Variants in TBC1D19 observed in about 807,000 individuals in gnomAD.
TBC1D19 encodes TBC1 domain family member 19, also known as TBC1 domain family, member 19.
TBC1D19 carries 60 observed loss-of-function variants against 89.0 expected under a neutral mutation model. The ratio of observed to expected loss-of-function variants is 0.67; its 90% confidence interval spans 0.55 to 0.84. The LOEUF (loss-of-function observed/expected upper bound fraction) is 0.84. Ranked by LOEUF, TBC1D19 falls within the 40% of genes least tolerant of loss-of-function variation. The pLI, the probability that TBC1D19 is intolerant of heterozygous loss-of-function variation, is 0.00. For missense variants in TBC1D19, 500 were observed against 610.8 expected, an observed-to-expected ratio of 0.82 and a Z score of 1.91; for synonymous variants, 189 against 199.7, an observed-to-expected ratio of 0.95 and a Z score of 0.45.
chr4:26,767,717 C>T, the TBC1D19 span, among the ~76,000 whole-genome samples: 1 of 152,188 alleles, frequency 6.6e-6, no homozygotes, highest in Admixed American at 6.6e-5. Flanking sequence ...TTAAGCCACC[C>T]TGCTGCTAAA....
chr4:26,740,285 C>G (rs1178894680), intron 17 of TBC1D19, among the ~76,000 whole-genome samples: 2 of 152,014 alleles, frequency 1.3e-5, no homozygotes, highest in Non-Finnish European at 2.9e-5. Context: ...CATTTCTTAT[C>G]TATGAAATGA....
At chr4:26,652,105 T>C (rs1452857123) in intron 7 of TBC1D19, among the ~76,000 whole-genome samples, 1 of 152,090 alleles carries the variant, frequency 6.6e-6, no homozygotes, top group East Asian at 1.9e-4. Context: ...TGCTGCTGGA[T>C]TCGGTTTGCC....
chr4:26,827,562 C>A, the TBC1D19 span, among the ~76,000 whole-genome samples: 1 of 152,316 alleles, frequency 6.6e-6, no homozygotes, highest in African/African-American at 2.4e-5. Flanking sequence ...CAAGATTGCA[C>A]TACTGCACTC....
At chr4:26,614,475 A>G (rs755993774) in intron 3 of TBC1D19, 22 bp downstream of exon 3, 11 of 1,568,140 alleles carry the variant, frequency 7.0e-6, no homozygotes, top group Non-Finnish European at 9.5e-6. Flanking sequence ...CACCTATTTT[A>G]CAATAGTATT....
the TBC1D19 span, chr4:26,858,744 CCCTGGCCTT>C: frequency 6.6e-6 from 1 of 152,146 alleles, no homozygotes. Flanking sequence ...TATTCCTGGC[CCCTGGCCTT>C]CCTGGCCTTG....
chr4:26,642,044 G>C (rs1440296966), intron 7 of TBC1D19, among the ~76,000 whole-genome samples: 1 of 152,106 alleles, frequency 6.6e-6, no homozygotes, highest in Non-Finnish European at 1.5e-5. Context: ...AACTAGCAAG[G>C]CAGGCCAACA....
the TBC1D19 span, among the ~76,000 whole-genome samples, chr4:26,830,504 A>G: frequency 6.6e-6 from 1 of 152,162 alleles, no homozygotes; most frequent in Non-Finnish European, 1.5e-5. Flanking sequence ...CAGAACTCTC[A>G]GAGTTACACA....
At chr4:26,843,089 G>C in the TBC1D19 span, among the ~76,000 whole-genome samples, 1 of 152,166 alleles carries the variant, frequency 6.6e-6, no homozygotes, top group Non-Finnish European at 1.5e-5. Flanking sequence ...CTGAGCACAG[G>C]CTTGTCATGG....
At chr4:26,777,364 A>G in the TBC1D19 span, among the ~76,000 whole-genome samples, 2 of 151,092 alleles carry the variant, frequency 1.3e-5, no homozygotes, top group African/African-American at 4.9e-5. Flanking sequence ...CGAACTCCTG[A>G]CCTGAGGTGA....
intron 4 of TBC1D19, among the ~76,000 whole-genome samples, chr4:26,626,044 T>G (rs1742374261): frequency 6.6e-6 from 1 of 152,180 alleles, no homozygotes; most frequent in African/African-American, 2.4e-5. Context: ...ATAAATTATT[T>G]GGAATTCCTC....
At chr4:26,685,892 G>A (rs942038408) in intron 12 of TBC1D19, among the ~76,000 whole-genome samples, 1 of 152,194 alleles carries the variant, frequency 6.6e-6, no homozygotes, top group Non-Finnish European at 1.5e-5. Flanking sequence ...GGAGTGCTAG[G>A]ATGAGAGTTC....
intron 13 of TBC1D19, among the ~76,000 whole-genome samples, chr4:26,717,078 T>C (rs1716674596): frequency 6.6e-6 from 1 of 152,052 alleles, no homozygotes; most frequent in Admixed American, 6.6e-5. Context: ...CAATCTCCAT[T>C]ACCTATCCTT....
intron 7 of TBC1D19, among the ~76,000 whole-genome samples, chr4:26,645,210 A>C (rs1743834079): frequency 6.6e-6 from 1 of 152,160 alleles, no homozygotes; most frequent in African/African-American, 2.4e-5. Flanking sequence ...AATCCTAAAC[A>C]AAAAGAACAA....
chr4:26,726,927 G>A (rs890185677), intron 15 of TBC1D19, among the ~76,000 whole-genome samples: 2 of 152,162 alleles, frequency 1.3e-5, no homozygotes, highest in Non-Finnish European at 2.9e-5. Flanking sequence ...AGTTAACGAT[G>A]TTTGCCATTC....
the TBC1D19 span, among the ~76,000 whole-genome samples, chr4:26,851,315 A>ATCTG: frequency 7.0e-6 from 1 of 143,196 alleles, no homozygotes; most frequent in African/African-American, 2.5e-5. Context: ...CTATCTATCT[A>ATCTG]TCTATCTATC....
At chr4:26,840,708 G>T in the TBC1D19 span, among the ~76,000 whole-genome samples, 1,250 of 152,278 alleles carry the variant, frequency 8.2e-3, 13 homozygotes, top group African/African-American at 0.028. Context: ...CCCACATTCA[G>T]AAGGGCTCCA....
At chr4:26,604,908 A>T (rs1452668798) in intron 1 of TBC1D19, among the ~76,000 whole-genome samples, 3 of 146,512 alleles carry the variant, frequency 2.0e-5, no homozygotes, top group African/African-American at 7.6e-5. Flanking sequence ...ATAATAATAA[A>T]AATGCTACTA....
intron 15 of TBC1D19, among the ~76,000 whole-genome samples, chr4:26,730,636 G>A (rs1717599123): frequency 6.6e-6 from 1 of 152,166 alleles, no homozygotes; most frequent in African/African-American, 2.4e-5. Context: ...GGAAGGCCAG[G>A]TTTGAATTCA....
At chr4:26,640,096 A>C (rs376442419) in intron 6 of TBC1D19, 45 bp from the exon 7 acceptor site, 37 of 1,294,982 alleles carry the variant, frequency 2.9e-5, no homozygotes, top group Non-Finnish European at 3.9e-5. Context: ...ATAAGCCTTC[A>C]TATATTATTA....
Sources: allele counts gnomAD v4.1 joint callset (sites outside exome capture counted in the v4.1 genomes callset), GRCh38; gene constraint gnomAD v4.1.1; transcripts MANE v1.5; gene names NCBI Gene and HGNC (gene_info 2026-07-23, HGNC 2026-07-21).